PCDHA4: variants seen among roughly 807,000 people sequenced by gnomAD.
PCDHA4 encodes protocadherin alpha-4.
A neutral mutation model predicts 61.4 loss-of-function variants in PCDHA4; 49 were observed. The observed-to-expected ratio is 0.80, with a 90% CI of 0.63 to 1.01. The LOEUF (loss-of-function observed/expected upper bound fraction) is 1.01, where lower values mean the gene tolerates loss of function less well. Ranked by LOEUF, PCDHA4 falls within the 50% of genes least tolerant of loss-of-function variation. The pLI is 0.00. For synonymous variants in PCDHA4, 590 were observed against 550.3 expected, an observed-to-expected ratio of 1.07 and a Z score of -1.01; for missense variants, 1,254 against 1,235.8, an observed-to-expected ratio of 1.01 and a Z score of -0.22.
intron 3 of PCDHA4, among the ~76,000 whole-genome samples, chr5:140,990,006 G>T (rs1249732911): frequency 1.3e-5 from 2 of 152,116 alleles, no homozygotes; most frequent in Non-Finnish European, 2.9e-5. Flanking sequence ...ATCTCCAAGG[G>T]CGTGGGCTAG....
chr5:140,970,373 C>T (rs1554232421), intron 1 of PCDHA4, among the ~76,000 whole-genome samples: 2 of 152,250 alleles, frequency 1.3e-5, no homozygotes, highest in East Asian at 1.9e-4. Context: ...GCTATAGCTT[C>T]AAAAGGCTGG....
intron 3 of PCDHA4, among the ~76,000 whole-genome samples, chr5:140,998,569 G>GTT (rs71574497): frequency 0.068 from 10,108 of 149,316 alleles, 392 homozygotes; most frequent in Middle Eastern, 0.14. Flanking sequence ...TTGTAAATAA[G>GTT]TTTTTTTTTT....
chr5:140,968,979 G>A (rs782482075), intron 1 of PCDHA4: 6 of 1,614,042 alleles, frequency 3.7e-6, no homozygotes, highest in South Asian at 3.3e-5. Context: ...ACTGCGTATG[G>A]CACTGCATGC....
In PCDHA4 at chr5:140,807,545, G is replaced by A; in HGVS notation, c.358G>A (p.Asp120Asn). Residue 120 changes from aspartate (D) to asparagine (N), a missense_variant, in exon 1 of 4, where the codon GAC becomes AAC. Physicochemically the swap from Asp to Asn is conservative, Grantham distance 23. Transcript: ENST00000530339. Reference sequence around the variant, plus strand: ...CAGGCCGCTGCAGGTTTTCCATGTGGACGTGGAGGTGAGGGACATTAACGA... The same window carrying A: ...CAGGCCGCTGCAGGTTTTCCATGTGAACGTGGAGGTGAGGGACATTAACGA... ...VDRPLQVFHV[D>N]VEVRDINDNP... 2.5e-6 allele frequency: 4 copies of A among 1,614,188 alleles called. No individual in the cohort carries two copies. The highest frequency in any genetic ancestry group is 3.4e-6 in the Non-Finnish European group (4 of 1,180,010).
intron 1 of PCDHA4, among the ~76,000 whole-genome samples, chr5:140,896,646 G>C (rs1330006792): frequency 6.6e-6 from 1 of 152,078 alleles, no homozygotes; most frequent in Non-Finnish European, 1.5e-5. Flanking sequence ...CAAAGTGCTA[G>C]TATTACAGGC....
chr5:140,860,551 GA>G (rs781917307), intron 1 of PCDHA4: 4 of 152,042 alleles, frequency 2.6e-5, no homozygotes, highest in Non-Finnish European at 5.9e-5. Context: ...ACCCACCTTT[GA>G]AGAGGTACTG....
Position 140,807,483 on chromosome 5 carries a change from G to C in PCDHA4, c.296G>C (p.Ser99Thr), listed in dbSNP as rs371525794. ...GACCGGGAGGAGCTGTGCCGGCGGA[G>C]CGCGGAGTGCAGCATCCACCTGGAG... ...RIDREELCRR[S>T]AECSIHLEVI... Residue 99 changes from serine to threonine, a missense_variant, in exon 1 of 4, where the codon AGC (serine) becomes ACC (threonine). Ser to Thr is a moderately conservative substitution (Grantham distance 58, BLOSUM62 1). Transcript: ENST00000530339. 2 of 1,613,322 alleles carry C rather than the reference G, an allele frequency of 1.2e-6. No individual in the cohort carries two copies. Among genetic ancestry groups the C allele is most frequent in the Non-Finnish European group, 1.7e-6 (2 of 1,179,846 alleles).
chr5:140,927,756 T>G (rs782307164), intron 1 of PCDHA4: 2 of 1,614,012 alleles, frequency 1.2e-6, no homozygotes, highest in South Asian at 1.1e-5. Flanking sequence ...ACGTGCACCC[T>G]AAAAGTGGGG....
chr5:140,824,829 A>T (rs1484900746), intron 1 of PCDHA4: 3 of 151,820 alleles, frequency 2.0e-5, no homozygotes, highest in African/African-American at 7.3e-5. Flanking sequence ...ATTAATTATT[A>T]TTTTATTACA....
chr5:140,978,974 G>T lies in PCDHA4; in HGVS notation c.2411G>T (p.Arg804Leu). ...AKPRQPNPDW[R>L]YSASLRAGMH... is the part of the protein sequence containing the mutation. ...CCACGACAGCCCAACCCTGACTGGC[G>T]TTACTCTGCCTCCCTGAGAGCAGGC... Residue 804 changes from arginine to leucine, a missense_variant, in exon 2 of 4, where the codon CGT becomes CTT. Arg to Leu is a moderately radical substitution (Grantham distance 102, BLOSUM62 -2). Coordinates refer to ENST00000530339, the MANE Select transcript of PCDHA4 (RefSeq NM_018907.4). 6.2e-7 allele frequency: 1 copy of T among 1,614,130 alleles called. No individual in the cohort carries two copies. Among genetic ancestry groups the T allele is most frequent in the East Asian group, 2.2e-5 (1 of 44,882 alleles).
At chr5:140,965,239 G>C (rs7722865) in intron 1 of PCDHA4, among the ~76,000 whole-genome samples, 9,112 of 152,230 alleles carry the variant, frequency 0.06, 825 homozygotes, top group African/African-American at 0.2. Context: ...CCTGGGAAGA[G>C]TGAATATTCA....
intron 1 of PCDHA4, chr5:140,968,346 C>T: frequency 6.2e-7 from 1 of 1,614,090 alleles, no homozygotes. Flanking sequence ...ATTAACAGTG[C>T]CAGTGGCAGC....
At position 140,857,834 on chromosome 5, in the gene PCDHA4, G is replaced by A; in HGVS notation, c.2385+48262G>A. 1.9e-6 allele frequency: 3 copies of A among 1,597,844 alleles called. 1 individual carries two copies. The highest frequency in any genetic ancestry group is 1.7e-6 in the Non-Finnish European group (2 of 1,167,630). The stretch of plus-strand genomic sequence containing the variant: ...TCACGTGGTGGCTAAGGTGCGCGCA[G>A]TGGACGCTGACTCTGGATACAACGC... On this transcript the variant is annotated intron_variant, in intron 1 of 3. Transcript: ENST00000530339.
chr5:140,918,651 C>A (rs1418223257), intron 1 of PCDHA4, among the ~76,000 whole-genome samples: 1 of 152,144 alleles, frequency 6.6e-6, no homozygotes, highest in African/African-American at 2.4e-5. Flanking sequence ...AAACCTAATT[C>A]TCATGTTGAT....
Position 140,808,037 on chromosome 5 carries a change from G to C in PCDHA4, c.850G>C (p.Asp284His), listed in dbSNP as rs1340097286. The part of the protein sequence containing the change: ...NGDIVYSFSN[D>H]ISPNVKSKFH... Reference sequence around the variant, plus strand: ...GGACATTGTTTATTCATTCTCAAATGATATTTCGCCAAATGTGAAATCCAA... The same window carrying C: ...GGACATTGTTTATTCATTCTCAAATCATATTTCGCCAAATGTGAAATCCAA... Residue 284 changes from aspartate (D) to histidine (H), a missense_variant, in exon 1 of 4, where the codon GAT becomes CAT. By Grantham distance (81) the Asp-to-His change is moderately conservative (BLOSUM62 -1). Transcript: ENST00000530339. The C allele has an allele frequency of 8.7e-6, 14 of 1,613,854 alleles. No homozygotes were observed. The highest frequency in any genetic ancestry group is 1.1e-5 in the Non-Finnish European group (13 of 1,179,914).
intron 1 of PCDHA4, among the ~76,000 whole-genome samples, chr5:140,905,814 G>A (rs1303983123): frequency 6.6e-6 from 1 of 152,090 alleles, no homozygotes; most frequent in South Asian, 2.1e-4. Flanking sequence ...GAATTAATAG[G>A]CTAGATGTGT....
chr5:140,948,495 G>T (rs2094260954), intron 1 of PCDHA4, among the ~76,000 whole-genome samples: 1 of 151,424 alleles, frequency 6.6e-6, no homozygotes, highest in African/African-American at 2.4e-5. Context: ...TTCTTTCATA[G>T]ACTTTCTATT....
rs2150406668 is a variant in PCDHA4, at chr5:140,848,164, G to C, written c.2385+38592G>C. ...TAGAGGCAGTCAGTCTGCTAAGAAG[G>C]CTCCAGCAAGAGAAACGGGATCTTC... On this transcript the variant is annotated intron_variant, in intron 1 of 3. Transcript: ENST00000530339. 62 of 251,046 alleles carry C rather than the reference G, an allele frequency of 2.5e-4. 5 individuals are homozygous for C. Among genetic ancestry groups the C allele is most frequent in the African/African-American group, 1.2e-3 (56 of 44,864 alleles). The allele number at this position is 251,046 out of a possible 1,614,324, so 15.6% of individuals were successfully genotyped here.
Position 140,843,785 on chromosome 5 carries a change from A to G in PCDHA4, c.2385+34213A>G. 2 of 1,419,854 alleles carry G rather than the reference A, an allele frequency of 1.4e-6. 1 individual carries two copies. Among genetic ancestry groups the G allele is most frequent in the South Asian group, 2.6e-5 (2 of 76,630 alleles). The allele number at this position is 1,419,854 out of a possible 1,614,324, so 88.0% of individuals were successfully genotyped here. ...ATTGTAGTTACTTTAAAAGTGTTTCAGATTTAGTTTTTCACCGTATTTTAT... is the reference window on the plus strand; with the variant it reads ...ATTGTAGTTACTTTAAAAGTGTTTCGGATTTAGTTTTTCACCGTATTTTAT... On this transcript the variant is annotated intron_variant, in intron 1 of 3. Coordinates refer to ENST00000530339, the MANE Select transcript of PCDHA4 (RefSeq NM_018907.4).
Sources: gnomAD v4.1 joint callset for allele counts (sites outside exome capture counted in the v4.1 genomes callset) on GRCh38, gnomAD v4.1.1 for gene constraint, MANE v1.5 for transcripts, NCBI Gene and HGNC (gene_info 2026-07-23, HGNC 2026-07-21) for gene names.